RAB38: variants seen among roughly 807,000 people sequenced by gnomAD.
The protein encoded by RAB38 is ras-related protein Rab-38.
In RAB38, 15 loss-of-function variants were observed where a neutral mutation model predicts 18.4. That is an observed-to-expected ratio of 0.82 (90% CI 0.55 to 1.26). The LOEUF (loss-of-function observed/expected upper bound fraction) is 1.26. RAB38 is among the 50% of genes most tolerant of loss of function. RAB38 has a pLI of 0.00. For synonymous variants in RAB38, 101 were observed against 104.4 expected, an observed-to-expected ratio of 0.97 and a Z score of 0.20; for missense variants, 294 against 267.4, an observed-to-expected ratio of 1.10 and a Z score of -0.69.
At chr11:88,114,343 GTCAT>G (rs1942519120) in intron 2 of RAB38, among the ~76,000 whole-genome samples, 1 of 152,074 alleles carries the variant, frequency 6.6e-6, no homozygotes. Flanking sequence ...ATTTTGCTAT[GTCAT>G]ATAGGAGGAA....
At chr11:88,080,437 G>C in the RAB38 span, among the ~76,000 whole-genome samples, 1 of 151,722 alleles carries the variant, frequency 6.6e-6, no homozygotes, top group Admixed American at 6.6e-5. Context: ...TGTATTAATT[G>C]GACTACTCAA....
the RAB38 span, chr11:87,816,223 A>G: frequency 6.6e-6 from 1 of 152,392 alleles, no homozygotes; most frequent in Non-Finnish European, 1.5e-5. Context: ...ATGTAGCAAT[A>G]ATGGCATATC....
chr11:88,030,292 G>A, the RAB38 span, among the ~76,000 whole-genome samples: 1 of 152,274 alleles, frequency 6.6e-6, no homozygotes, highest in South Asian at 2.1e-4. Context: ...ATCTAAAATT[G>A]TCAACCTAAC....
chr11:87,844,929 G>C, the RAB38 span, among the ~76,000 whole-genome samples: 2 of 152,106 alleles, frequency 1.3e-5, no homozygotes, highest in African/African-American at 2.4e-5. Context: ...ATTCAAACTA[G>C]CATAGCAAAG....
chr11:87,839,674 C>G, the RAB38 span, among the ~76,000 whole-genome samples: 30 of 152,084 alleles, frequency 2.0e-4, no homozygotes, highest in African/African-American at 7.2e-4. Context: ...TTTTTATGTA[C>G]TTGAGAAATA....
chr11:87,865,014 A>C, the RAB38 span, among the ~76,000 whole-genome samples: 2 of 151,790 alleles, frequency 1.3e-5, no homozygotes, highest in African/African-American at 4.8e-5. Flanking sequence ...GATTTGTTTG[A>C]CAAAATGAGA....
intron 1 of RAB38, among the ~76,000 whole-genome samples, chr11:88,161,235 G>T (rs949641510): frequency 2.6e-5 from 4 of 151,916 alleles, no homozygotes; most frequent in Non-Finnish European, 4.4e-5. Context: ...TTTTTAAAAC[G>T]CATCCTAAAT....
chr11:87,807,210 A>G, the RAB38 span, among the ~76,000 whole-genome samples: 5 of 152,370 alleles, frequency 3.3e-5, no homozygotes, highest in East Asian at 9.6e-4. Context: ...CCATGAAACC[A>G]GTCTCTGGTG....
chr11:87,863,889 C>G, the RAB38 span, among the ~76,000 whole-genome samples: 26 of 151,686 alleles, frequency 1.7e-4, no homozygotes, highest in Admixed American at 8.6e-4. Context: ...TAATACAGTG[C>G]TTTTTCCTAT....
chr11:88,173,549 C>A, intron 1 of RAB38: 6 of 985,422 alleles, frequency 6.1e-6, no homozygotes, highest in Non-Finnish European at 7.2e-6. Flanking sequence ...AGACATAGAA[C>A]TTCTCTGCTG....
chr11:87,832,226 A>G, the RAB38 span, among the ~76,000 whole-genome samples: 2 of 152,182 alleles, frequency 1.3e-5, no homozygotes, highest in Admixed American at 6.5e-5. Context: ...TGAAGCTTAC[A>G]CTCTATGAGG....
rs759779996 is a variant in RAB38 at position 88,113,951 on chromosome 11, T to C, written c.*37A>G. On this transcript the variant is annotated 3_prime_UTR_variant, in exon 3 of 3. Transcript: ENST00000243662. ...AATAGAGGCACAATTTGTGGAACAA[T>C]GAGGTCATTCCTACCAGACACCAGC... 6.8e-6 allele frequency: 11 copies of C among 1,611,630 alleles called. No individual in the cohort carries two copies. The highest frequency in any genetic ancestry group is 9.3e-6 in the Non-Finnish European group (11 of 1,177,886).
At chr11:87,825,411 A>C in the RAB38 span, among the ~76,000 whole-genome samples, 27 of 152,166 alleles carry the variant, frequency 1.8e-4, no homozygotes, top group African/African-American at 6.3e-4. Flanking sequence ...GAAGTCCTTA[A>C]GGTGCCAGCA....
chr11:88,173,467 A>G (rs909328681), intron 1 of RAB38: 2 of 932,080 alleles, frequency 2.1e-6, no homozygotes, highest in Non-Finnish European at 2.6e-6. Flanking sequence ...AGGCAGTTCA[A>G]CTCTGGAATT....
the RAB38 span, among the ~76,000 whole-genome samples, chr11:87,872,851 T>C: frequency 6.6e-6 from 1 of 151,634 alleles, no homozygotes; most frequent in Admixed American, 6.6e-5. Flanking sequence ...ATTTATCCAT[T>C]CACCCTCTAA....
At chr11:87,858,677 G>A in the RAB38 span, among the ~76,000 whole-genome samples, 12 of 151,894 alleles carry the variant, frequency 7.9e-5, no homozygotes, top group African/African-American at 1.9e-4. Context: ...TTGGGAAGAC[G>A]CATAGAATTT....
the RAB38 span, among the ~76,000 whole-genome samples, chr11:88,033,305 CAGCAT>C: frequency 6.6e-6 from 1 of 151,324 alleles, no homozygotes; most frequent in South Asian, 2.1e-4. Context: ...TGCAGCACAC[CAGCAT>C]GGCACATGTA....
At chr11:87,807,458 G>A in the RAB38 span, among the ~76,000 whole-genome samples, 2 of 152,208 alleles carry the variant, frequency 1.3e-5, no homozygotes, top group Admixed American at 6.5e-5. Context: ...GCATAGCACA[G>A]CTACGCTGTC....
chr11:88,090,877 A>C, the RAB38 span, among the ~76,000 whole-genome samples: 1 of 152,002 alleles, frequency 6.6e-6, no homozygotes, highest in South Asian at 2.1e-4. Context: ...GGTTAGGTCC[A>C]TATAACAACA....
Sources: gnomAD v4.1 joint callset for allele counts (sites outside exome capture counted in the v4.1 genomes callset) on GRCh38, gnomAD v4.1.1 for gene constraint, MANE v1.5 for transcripts, NCBI Gene and HGNC (gene_info 2026-07-23, HGNC 2026-07-21) for gene names.